The following RBM46 variants were observed in gnomAD, a reference collection of about 807,000 sequenced individuals.
The protein encoded by RBM46 is RNA binding motif protein 46.
In RBM46, 12 loss-of-function variants were observed where a neutral mutation model predicts 43.3. The observed-to-expected ratio is 0.28, with a 90% CI of 0.18 to 0.45. The LOEUF (loss-of-function observed/expected upper bound fraction) is 0.45. Ranked by LOEUF, RBM46 falls within the 20% of genes least tolerant of loss-of-function variation. The probability of loss-of-function intolerance (pLI) is 1.00; values close to 1 mark genes in which losing one functional copy is unlikely to be tolerated. For synonymous variants in RBM46, 205 were observed against 207.6 expected (o/e 0.99, Z 0.11); for missense variants, 412 against 639.1 (o/e 0.64, Z 3.83).
intron 4 of RBM46, among the ~76,000 whole-genome samples, chr4:154,810,733 C>T (rs542502432): frequency 2.0e-5 from 3 of 152,206 alleles, no homozygotes; most frequent in Non-Finnish European, 2.9e-5. Flanking sequence ...AGGAAAGAGT[C>T]TTTACTAGAC....
At chr4:154,823,276 A>C (rs1735802857) in intron 4 of RBM46, among the ~76,000 whole-genome samples, 1 of 151,814 alleles carries the variant, frequency 6.6e-6, no homozygotes, top group Non-Finnish European at 1.5e-5. Context: ...AGTAACTGCT[A>C]ATAGATAACA....
chr4:154,818,936 A>G (rs1333010059), intron 4 of RBM46, among the ~76,000 whole-genome samples: 4 of 152,026 alleles, frequency 2.6e-5, no homozygotes, highest in Non-Finnish European at 5.9e-5. Flanking sequence ...CCTTCCAAAA[A>G]TTTTAGTCTT....
rs116646889 is a variant in RBM46, at chr4:154,807,308, C to T, written c.1402+7744C>T. Among the ~76,000 whole-genome samples the T allele has an allele frequency of 7.2e-3, 1,093 of 151,596 alleles. 15 individuals carry two copies. Among genetic ancestry groups the T allele is most frequent in the African/African-American group, 0.024 (1,002 of 41,466 alleles). Reference sequence around the variant, plus strand: ...GGCTTTAAAAGGAAATTTAATGTTACGTTGATTTGTAGCTCCTCTTTGTCT... The same window carrying T: ...GGCTTTAAAAGGAAATTTAATGTTATGTTGATTTGTAGCTCCTCTTTGTCT... On this transcript the variant is annotated intron_variant, in intron 4 of 4. Coordinates refer to ENST00000281722, the MANE Select transcript of RBM46 (RefSeq NM_144979.5).
intron 3 of RBM46, 104 bp from the exon 4 acceptor site, chr4:154,798,678 T>C (rs530054080): frequency 2.4e-4 from 206 of 857,678 alleles, no homozygotes; most frequent in Middle Eastern, 1.1e-3. Context: ...AATTTATTGA[T>C]GTGTAGTTGA....
intron 4 of RBM46, among the ~76,000 whole-genome samples, chr4:154,809,215 G>T (rs1442899402): frequency 6.6e-6 from 1 of 150,624 alleles, no homozygotes; most frequent in Non-Finnish European, 1.5e-5. Context: ...TTTTTTTATT[G>T]TGATTTATGC....
At chr4:154,818,827 A>T (rs1425460103) in intron 4 of RBM46, among the ~76,000 whole-genome samples, 1 of 151,784 alleles carries the variant, frequency 6.6e-6, no homozygotes, top group Non-Finnish European at 1.5e-5. Context: ...TAATTTTTTT[A>T]TCTGTAAAAA....
At chr4:154,805,803 T>A (rs1734879531) in intron 4 of RBM46, among the ~76,000 whole-genome samples, 1 of 151,960 alleles carries the variant, frequency 6.6e-6, no homozygotes, top group Non-Finnish European at 1.5e-5. Flanking sequence ...AGGAGGCACT[T>A]AAGCCAAACA....
intron 1 of RBM46, among the ~76,000 whole-genome samples, chr4:154,786,656 C>T (rs920660080): frequency 3.3e-5 from 5 of 151,564 alleles, no homozygotes; most frequent in African/African-American, 7.3e-5. Flanking sequence ...AGGCCAGGTG[C>T]GATGGCTCAC....
intron 1 of RBM46, among the ~76,000 whole-genome samples, chr4:154,782,631 G>A (rs1392928466): frequency 6.6e-6 from 1 of 152,084 alleles, no homozygotes; most frequent in Non-Finnish European, 1.5e-5. Flanking sequence ...GACTACAGGC[G>A]CGCGCCACCA....
At chr4:154,804,675 C>T (rs1027072098) in intron 4 of RBM46, among the ~76,000 whole-genome samples, 9 of 152,068 alleles carry the variant, frequency 5.9e-5, no homozygotes, top group African/African-American at 2.2e-4. Flanking sequence ...AATACTGATA[C>T]AAGTGGTATT....
chr4:154,826,748 T>G (rs1735984018), intron 4 of RBM46: 3 of 1,384,618 alleles, frequency 2.2e-6, no homozygotes, highest in Non-Finnish European at 2.9e-6. Flanking sequence ...CCTTTTTTTT[T>G]TTTTTTTTTC....
chr4:154,807,202 A>G (rs904129284), intron 4 of RBM46, among the ~76,000 whole-genome samples: 2 of 151,722 alleles, frequency 1.3e-5, no homozygotes, highest in African/African-American at 4.8e-5. Context: ...ATTTTGCCAC[A>G]TGATGTCCCT....
intron 4 of RBM46, among the ~76,000 whole-genome samples, chr4:154,808,436 C>T (rs754792241): frequency 6.6e-6 from 1 of 151,822 alleles, no homozygotes; most frequent in Non-Finnish European, 1.5e-5. Context: ...GACCGAAGCC[C>T]ATTTACTTAA....
rs114545758 is a variant in RBM46 at position 154,810,027 on chromosome 4, T to C, written c.1402+10463T>C. Among the ~76,000 whole-genome samples the C allele has an allele frequency of 3.8e-3, 572 of 152,232 alleles. 3 individuals are homozygous for C. Among genetic ancestry groups the C allele is most frequent in the Middle Eastern group, 0.014 (4 of 294 alleles). On this transcript the variant is annotated intron_variant, in intron 4 of 4. Coordinates refer to ENST00000281722, the MANE Select transcript of RBM46 (RefSeq NM_144979.5). ...ACTTGGAGGGAGAAATTGGAAAGGA[T>C]TCAAAGGGACTTCTGAGGTACTGGT...
intron 4 of RBM46, among the ~76,000 whole-genome samples, chr4:154,814,452 G>A (rs1735329345): frequency 6.6e-6 from 1 of 152,038 alleles, no homozygotes; most frequent in Non-Finnish European, 1.5e-5. Context: ...AGGAAATTGA[G>A]ACTCTGCTGC....
At chr4:154,791,661 G>A (rs769565667) in intron 1 of RBM46, among the ~76,000 whole-genome samples, 1 of 152,098 alleles carries the variant, frequency 6.6e-6, no homozygotes, top group Non-Finnish European at 1.5e-5. Context: ...TACATTATAA[G>A]AAATAAGTTT....
At chr4:154,814,824 G>C (rs970916590) in intron 4 of RBM46, among the ~76,000 whole-genome samples, 1 of 150,796 alleles carries the variant, frequency 6.6e-6, no homozygotes, top group African/African-American at 2.5e-5. Context: ...TCACTGGCAG[G>C]TTTTTATCCC....
intron 4 of RBM46, chr4:154,827,553 T>C (rs527731092): frequency 9.2e-7 from 1 of 1,083,350 alleles, no homozygotes; most frequent in African/African-American, 1.7e-5. Flanking sequence ...AGAAGCTTCT[T>C]TGTAGAGCAA....
At chr4:154,803,855 T>C (rs1385484640) in intron 4 of RBM46, among the ~76,000 whole-genome samples, 1 of 152,094 alleles carries the variant, frequency 6.6e-6, no homozygotes, top group African/African-American at 2.4e-5. Flanking sequence ...TGTTGAAATG[T>C]AATCCCCAGT....
Sources: gnomAD v4.1 joint callset for allele counts (sites outside exome capture counted in the v4.1 genomes callset) on GRCh38, gnomAD v4.1.1 for gene constraint, MANE v1.5 for transcripts, NCBI Gene and HGNC (gene_info 2026-07-23, HGNC 2026-07-21) for gene names.